Variants in PSEN1 observed in about 807,000 individuals in gnomAD.
PSEN1 encodes presenilin-1.
A neutral mutation model predicts 53.5 loss-of-function variants in PSEN1; 15 were observed. That is an observed-to-expected ratio of 0.28 (90% CI 0.19 to 0.43). PSEN1 has a LOEUF of 0.43. PSEN1 is among the 20% of genes least tolerant of loss of function. The pLI, the probability that PSEN1 is intolerant of heterozygous loss-of-function variation, is 1.00. For synonymous variants in PSEN1, 208 were observed against 209.8 expected (o/e 0.99, Z 0.08); for missense variants, 387 against 571.2 (o/e 0.68, Z 3.29).
chr14:73,204,811 A>G (rs1305617261), intron 8 of PSEN1, among the ~76,000 whole-genome samples: 2 of 150,000 alleles, frequency 1.3e-5, no homozygotes, highest in Admixed American at 1.3e-4. Context: ...CTGAGGCGGG[A>G]GGATTGCTTG....
chr14:73,163,427 G>A (rs777835081), intron 3 of PSEN1, among the ~76,000 whole-genome samples: 2 of 152,130 alleles, frequency 1.3e-5, no homozygotes, highest in African/African-American at 2.4e-5. Flanking sequence ...AAAATTAGCC[G>A]AGCTTCACAA....
At chr14:73,191,730 T>C (rs1480899117) in intron 6 of PSEN1, among the ~76,000 whole-genome samples, 1 of 152,088 alleles carries the variant, frequency 6.6e-6, no homozygotes, top group Non-Finnish European at 1.5e-5. Context: ...AATTTTTTTG[T>C]AGTGATAGAG....
rs1474068086 is a variant in PSEN1 at position 73,222,026 on chromosome 14, C to T, written c.*2737C>T. On this transcript the variant is annotated 3_prime_UTR_variant, in exon 12 of 12. Transcript: ENST00000324501. ...CTACAGAATAAAGGGTATTTATGGA[C>T]AGAATGTCATTACATGCCTATGGGA... 1 of 152,134 alleles carries T rather than the reference C, an allele frequency of 6.6e-6. No individual in the cohort carries two copies. Among genetic ancestry groups the T allele is most frequent in the Non-Finnish European group, 1.5e-5 (1 of 68,036 alleles). 9.4% of individuals were successfully genotyped at this position (152,134 alleles called of 1,614,324 possible). A position where few individuals can be genotyped will look rare whatever the true frequency, so the allele number is the denominator to read the frequency against.
chr14:73,191,391 A>ATG (rs1898707961), intron 6 of PSEN1, among the ~76,000 whole-genome samples: 2 of 151,912 alleles, frequency 1.3e-5, no homozygotes, highest in South Asian at 4.2e-4. Context: ...ATATATGTGT[A>ATG]TGTATAAGTG....
chr14:73,206,243 T>C, intron 8 of PSEN1, 143 bp from the exon 9 acceptor site: 1 of 696,078 alleles, frequency 1.4e-6, no homozygotes, highest in South Asian at 1.6e-5. Context: ...AGAACCTTTT[T>C]TTTATTTTTA....
In PSEN1 at chr14:73,170,945, C is replaced by G. The variant is rs63749824; in HGVS notation, c.236C>G (p.Ala79Gly). ...GAGGAGCTGACATTGAAATATGGCGCCAAGCATGTGATCATGCTCTTTGTC... is the reference window on the plus strand; with the variant it reads ...GAGGAGCTGACATTGAAATATGGCGGCAAGCATGTGATCATGCTCTTTGTC... ...EDEELTLKYG[A>G]KHVIMLFVPV... The change falls in exon 4 of 12, where the codon GCC (alanine) becomes GGC (glycine). Residue 79 changes from alanine (A) to glycine (G), a missense_variant. Physicochemically the swap from Ala to Gly is moderately conservative, Grantham distance 60. This residue lies in a region of PSEN1 where 99 missense variants were observed against 101.5 expected (regional missense o/e 0.98). Transcript: ENST00000324501. 6.2e-7 allele frequency: 1 copy of G among 1,614,186 alleles called. No homozygotes were observed. The highest frequency in any genetic ancestry group is 8.5e-7 in the Non-Finnish European group (1 of 1,180,036).
At chr14:73,182,884 T>A (rs1373072569) in intron 5 of PSEN1, among the ~76,000 whole-genome samples, 2 of 151,994 alleles carry the variant, frequency 1.3e-5, no homozygotes, top group African/African-American at 4.8e-5. Flanking sequence ...AATAAGAACA[T>A]CTCCTTCTTC....
chr14:73,149,841 G>A (rs1196728539), intron 3 of PSEN1, among the ~76,000 whole-genome samples: 1 of 152,200 alleles, frequency 6.6e-6, no homozygotes, highest in African/African-American at 2.4e-5. Context: ...AGTTCAAATA[G>A]AAGATAACAT....
chr14:73,174,648 C>T (rs760776475), intron 5 of PSEN1, among the ~76,000 whole-genome samples: 28 of 152,156 alleles, frequency 1.8e-4, no homozygotes, highest in South Asian at 2.1e-4. Context: ...CTATAAAATA[C>T]GGTATAACTA....
intron 1 of PSEN1, among the ~76,000 whole-genome samples, chr14:73,141,199 A>T (rs1036113898): frequency 5.3e-5 from 8 of 152,190 alleles, no homozygotes; most frequent in Admixed American, 5.2e-4. Flanking sequence ...AGCCTATAAC[A>T]TCACTGGAGA....
chr14:73,205,931 A>G (rs1352605948), intron 8 of PSEN1, among the ~76,000 whole-genome samples: 1 of 152,220 alleles, frequency 6.6e-6, no homozygotes, highest in Non-Finnish European at 1.5e-5. Flanking sequence ...GGTTTAAAAC[A>G]TGGTTTAGCA....
At chr14:73,200,212 C>A (rs965368106) in intron 8 of PSEN1, among the ~76,000 whole-genome samples, 2 of 152,106 alleles carry the variant, frequency 1.3e-5, no homozygotes, top group Non-Finnish European at 2.9e-5. Context: ...TTCTTAGTTA[C>A]AGATCTGAAT....
chr14:73,188,810 A>G (rs1196791674), intron 6 of PSEN1, among the ~76,000 whole-genome samples: 2 of 152,020 alleles, frequency 1.3e-5, no homozygotes, highest in South Asian at 4.2e-4. Context: ...TTTTTCTGAG[A>G]TAGAGTCTCA....
At chr14:73,149,342 C>T (rs1419134445) in intron 3 of PSEN1, among the ~76,000 whole-genome samples, 5 of 151,534 alleles carry the variant, frequency 3.3e-5, no homozygotes, top group African/African-American at 1.2e-4. Context: ...TTTAATTTTC[C>T]CACAGTTATG....
rs553736950 is a variant in PSEN1, at chr14:73,155,153, A to G, written c.87+7047A>G. Among the ~76,000 whole-genome samples, 36 of 152,334 alleles carry G rather than the reference A, an allele frequency of 2.4e-4. No homozygotes were observed. In the South Asian group the frequency reaches 4.8e-3, roughly 20 times the overall value. On this transcript the variant is annotated intron_variant, in intron 3 of 11. Transcript: ENST00000324501. ...CAGTGAGAATGTGGCAGTAATCTCA[A>G]TCTTTATCATTAATTGCTTATGGTT...
intron 4 of PSEN1, among the ~76,000 whole-genome samples, 155 bp from the exon 5 acceptor site, chr14:73,173,411 G>A (rs1459284485): frequency 1.3e-5 from 2 of 152,228 alleles, no homozygotes; most frequent in African/African-American, 4.8e-5. Context: ...TTTTTCTCAG[G>A]TTAAAAATTC....
chr14:73,181,585 C>G (rs774610514), intron 5 of PSEN1, among the ~76,000 whole-genome samples: 16 of 151,928 alleles, frequency 1.1e-4, no homozygotes, highest in Non-Finnish European at 1.8e-4. Context: ...ATAGTGAGAC[C>G]CCAGTCTCTT....
chr14:73,177,225 C>T (rs1898071317), intron 5 of PSEN1, among the ~76,000 whole-genome samples: 1 of 152,114 alleles, frequency 6.6e-6, no homozygotes, highest in Non-Finnish European at 1.5e-5. Context: ...TTAAATATAA[C>T]TTTTAATGTA....
In PSEN1 at chr14:73,210,504, A is replaced by T. The variant is rs1167212001; in HGVS notation, c.956-1265A>T. Among the ~76,000 whole-genome samples, 4 of 152,376 alleles carry T rather than the reference A, an allele frequency of 2.6e-5. No individual in the cohort carries two copies. The South Asian group carries it at 8.3e-4, about 32-fold the overall frequency. The stretch of plus-strand genomic sequence containing the variant: ...AACATCAAGTTATGGCACAATGAGC[A>T]TGCTACTTATAATTAATTATGGAGG... On this transcript the variant is annotated intron_variant, in intron 9 of 11. Transcript: ENST00000324501.
Sources: gnomAD v4.1 joint callset for allele counts (sites outside exome capture counted in the v4.1 genomes callset) on GRCh38, gnomAD v4.1.1 for gene constraint, gnomAD v4.1.1 regional missense constraint, MANE v1.5 for transcripts, NCBI Gene and HGNC (gene_info 2026-07-23, HGNC 2026-07-21) for gene names.